Variants in SH3RF1 observed in about 807,000 individuals in gnomAD.
SH3RF1 encodes the protein SH3 domain containing ring finger 1, also known as E3 ubiquitin-protein ligase SH3RF1.
SH3RF1 carries 32 observed loss-of-function variants against 74.0 expected under a neutral mutation model. The ratio of observed to expected loss-of-function variants is 0.43; its 90% CI spans 0.33 to 0.58. SH3RF1 has a LOEUF of 0.58. SH3RF1 is among the 20% of genes least tolerant of loss of function. The probability of loss-of-function intolerance (pLI) is 0.05; values close to 1 mark genes in which losing one functional copy is unlikely to be tolerated. For missense variants in SH3RF1, 954 were observed against 1,130.9 expected, an observed-to-expected ratio of 0.84 and a Z score of 2.24; for synonymous variants, 396 against 439.6, an observed-to-expected ratio of 0.90 and a Z score of 1.24.
At chr4:169,268,195 T>C (rs926544876) in intron 2 of SH3RF1, among the ~76,000 whole-genome samples, 10 of 152,204 alleles carry the variant, frequency 6.6e-5, no homozygotes, top group Admixed American at 1.3e-4. Flanking sequence ...TCGATGGAAA[T>C]ACTTCATTTC....
chr4:169,258,013 G>A lies in SH3RF1; in HGVS notation c.393+10807C>T, dbSNP rs531722093. On this transcript the variant is annotated intron_variant, in intron 2 of 11. Coordinates refer to ENST00000284637, the MANE Select transcript of SH3RF1 (RefSeq NM_020870.4). Reference sequence around the variant, plus strand: ...CTCAATGCACCAAGATCATATCCAGGTGCCAATCTGAGTTTGTCCTAAATG... The same window carrying A: ...CTCAATGCACCAAGATCATATCCAGATGCCAATCTGAGTTTGTCCTAAATG... Among the ~76,000 whole-genome samples the A allele has an allele frequency of 5.3e-5, 8 of 152,150 alleles. No homozygotes were observed. In the East Asian group the frequency reaches 9.6e-4, roughly 18 times the overall value.
intron 2 of SH3RF1, among the ~76,000 whole-genome samples, chr4:169,204,545 C>T (rs1422433179): frequency 7.1e-6 from 1 of 140,324 alleles, no homozygotes; most frequent in Non-Finnish European, 1.5e-5. Flanking sequence ...CATATATTAC[C>T]TTCTCTTTTT....
chr4:169,125,838 G>A (rs1733515410), intron 6 of SH3RF1, among the ~76,000 whole-genome samples: 1 of 152,206 alleles, frequency 6.6e-6, no homozygotes, highest in African/African-American at 2.4e-5. Flanking sequence ...ATGAGGGAAT[G>A]GTTCAAGCTA....
At position 169,156,683 on chromosome 4, in the gene SH3RF1, T is replaced by TAAAAAAA; in HGVS notation, c.394-11_394-5dup. On this transcript the variant is annotated splice_region_variant and splice_polypyrimidine_tract_variant and intron_variant, in intron 2 of 11. Coordinates refer to ENST00000284637, the MANE Select transcript of SH3RF1 (RefSeq NM_020870.4). ...CACATGGTAACTGAGGTATACCCTTTAAAAAAAAAAGAGGGATGAATTTTA... is the reference window on the plus strand; with the variant it reads ...CACATGGTAACTGAGGTATACCCTTTAAAAAAAAAAAAAAAAAGAGGGATGAATTTTA... 1 of 1,333,272 alleles carries TAAAAAAA rather than the reference T, an allele frequency of 7.5e-7. No homozygotes were observed. The highest frequency in any genetic ancestry group is 1.0e-6 in the Non-Finnish European group (1 of 984,494). The allele number at this position is 1,333,272 out of a possible 1,614,324, so 82.6% of individuals were successfully genotyped here. A position where few individuals can be genotyped will look rare whatever the true frequency, so the allele number is the denominator to read the frequency against.
Position 169,107,079 on chromosome 4 carries a change from C to G in SH3RF1, c.2266G>C (p.Ala756Pro). ...CCTGGTGGCAGTTCGGGCCCCACCG[C>G]TCCCTGGAGAGGAAGCTCTGCACTG... ...LGSAELPLQG[A>P]VGPELPPGGG... The change falls in exon 11 of 12, where the codon GCG (alanine) becomes CCG (proline). Residue 756 changes from alanine (A) to proline (P), a missense_variant. Ala to Pro is a conservative substitution (Grantham distance 27, BLOSUM62 -1). Coordinates refer to ENST00000284637, the MANE Select transcript of SH3RF1 (RefSeq NM_020870.4). The G allele has an allele frequency of 6.2e-7, 1 of 1,614,028 alleles. No homozygotes were observed. The highest frequency in any genetic ancestry group is 8.5e-7 in the Non-Finnish European group (1 of 1,180,008).
intron 11 of SH3RF1, among the ~76,000 whole-genome samples, chr4:169,104,215 AAG>A (rs1733093016): frequency 6.6e-6 from 1 of 152,136 alleles, no homozygotes; most frequent in South Asian, 2.1e-4. Flanking sequence ...CATCACTCAA[AAG>A]AGTCACACAA....
In SH3RF1 at chr4:169,116,298, A is replaced by C; in HGVS notation, c.2110T>G (p.Ser704Ala). The C allele has an allele frequency of 6.2e-7, 1 of 1,613,124 alleles. No individual in the cohort carries two copies. Among genetic ancestry groups the C allele is most frequent in the East Asian group, 2.2e-5 (1 of 44,868 alleles). The change falls in exon 10 of 12, where the codon TCA (serine) becomes GCA (alanine). Residue 704 changes from serine (S) to alanine (A), a missense_variant. By Grantham distance (99) the Ser-to-Ala change is moderately conservative (BLOSUM62 1). Around this residue, in one of 3 missense-constraint regions of SH3RF1, gnomAD observed 854 missense variants for 962.5 expected, o/e 0.89. Transcript: ENST00000284637. ...CTATCCTTGTCTGGTTTGGTTGCTGAACTGTTCCCACAAGCTGATGAAGCA... is the reference window on the plus strand; with the variant it reads ...CTATCCTTGTCTGGTTTGGTTGCTGCACTGTTCCCACAAGCTGATGAAGCA... ...DSASSACGNSSATKPDKDSKK... is the reference protein window; with the variant it reads ...DSASSACGNSAATKPDKDSKK...
chr4:169,216,996 CAAA>C (rs560262654), intron 2 of SH3RF1, among the ~76,000 whole-genome samples: 2 of 82,634 alleles, frequency 2.4e-5, no homozygotes, highest in Non-Finnish European at 2.5e-5. Context: ...ACAAAAATTA[CAAA>C]AAAAAAAAAA....
chr4:169,125,660 T>C (rs1278156605), intron 6 of SH3RF1, among the ~76,000 whole-genome samples: 1 of 152,204 alleles, frequency 6.6e-6, no homozygotes, highest in Non-Finnish European at 1.5e-5. Context: ...ACTGGCAAGA[T>C]AGACTAAGCC....
chr4:169,109,966 C>G (rs180719834), intron 10 of SH3RF1, among the ~76,000 whole-genome samples: 18 of 149,818 alleles, frequency 1.2e-4, no homozygotes, highest in Non-Finnish European at 1.0e-4. Context: ...GAGCTATGAC[C>G]ATGCCACTGC....
At chr4:169,232,041 G>T (rs903257950) in intron 2 of SH3RF1, among the ~76,000 whole-genome samples, 1 of 152,208 alleles carries the variant, frequency 6.6e-6, no homozygotes, top group Non-Finnish European at 1.5e-5. Flanking sequence ...CAGGTTTCTG[G>T]TTAGGTAGAC....
At chr4:169,258,136 G>GA (rs1391983604) in intron 2 of SH3RF1, among the ~76,000 whole-genome samples, 1 of 152,206 alleles carries the variant, frequency 6.6e-6, no homozygotes, top group African/African-American at 2.4e-5. Flanking sequence ...TTATAAAAGA[G>GA]AAAACTATGT....
At chr4:169,250,738 G>A (rs894135682) in intron 2 of SH3RF1, among the ~76,000 whole-genome samples, 1 of 152,098 alleles carries the variant, frequency 6.6e-6, no homozygotes, top group Non-Finnish European at 1.5e-5. Context: ...TGTGATTTTA[G>A]ACAGACATAA....
At chr4:169,204,534 A>G (rs1730201928) in intron 2 of SH3RF1, among the ~76,000 whole-genome samples, 1 of 150,708 alleles carries the variant, frequency 6.6e-6, no homozygotes, top group Non-Finnish European at 1.5e-5. Flanking sequence ...CCTGGTTATC[A>G]CATATATTAC....
intron 2 of SH3RF1, among the ~76,000 whole-genome samples, chr4:169,215,571 G>T (rs936118016): frequency 6.6e-6 from 1 of 151,844 alleles, no homozygotes; most frequent in South Asian, 2.1e-4. Context: ...CTGGGCCTGG[G>T]GATTTGTTTT....
Position 169,122,120 on chromosome 4 carries a change from C to T in SH3RF1, c.1326G>A (p.Arg442=), listed in dbSNP as rs979450227. The T allele has an allele frequency of 1.9e-6, 3 of 1,612,560 alleles. No individual in the cohort carries two copies. Among genetic ancestry groups the T allele is most frequent in the Non-Finnish European group, 2.5e-6 (3 of 1,179,986 alleles). Residue 442 remains arginine, a synonymous_variant, in exon 7 of 12, where the codon CGG becomes CGA. Transcript: ENST00000284637. ...AGSTDQIAHL[R]PQTRPSVYVA... Reference sequence around the variant, plus strand: ...CTTACACACTGGGGCGAGTCTGCGGCCGTAAATGTGCAATCTGGTCAGTGG... The same window carrying T: ...CTTACACACTGGGGCGAGTCTGCGGTCGTAAATGTGCAATCTGGTCAGTGG...
intron 2 of SH3RF1, among the ~76,000 whole-genome samples, chr4:169,163,539 C>T (rs142578844): frequency 2.7e-4 from 41 of 152,296 alleles, no homozygotes; most frequent in African/African-American, 9.4e-4. Flanking sequence ...CGAAAACCAG[C>T]AAACTATAAC....
At chr4:169,223,842 G>T (rs1730610255) in intron 2 of SH3RF1, among the ~76,000 whole-genome samples, 1 of 152,192 alleles carries the variant, frequency 6.6e-6, no homozygotes, top group Admixed American at 6.5e-5. Context: ...TGGAAGAGGT[G>T]ATCCTAAGGA....
intron 2 of SH3RF1, among the ~76,000 whole-genome samples, chr4:169,214,425 C>T (rs1309335804): frequency 6.6e-6 from 1 of 152,126 alleles, no homozygotes; most frequent in South Asian, 2.1e-4. Context: ...CTCAGATATT[C>T]CTTTATAGTG....
Sources: allele counts gnomAD v4.1 joint callset (sites outside exome capture counted in the v4.1 genomes callset), GRCh38; gene constraint gnomAD v4.1.1; regional missense constraint gnomAD v4.1.1; transcripts MANE v1.5; gene names NCBI Gene and HGNC (gene_info 2026-07-23, HGNC 2026-07-21).